LILRA5: variants seen among roughly 807,000 people sequenced by gnomAD.
LILRA5 encodes the protein leukocyte immunoglobulin-like receptor subfamily A member 5.
LILRA5 carries 31 observed loss-of-function variants against 36.3 expected under a neutral mutation model. The observed-to-expected ratio is 0.85, with a 90% CI of 0.64 to 1.15. The LOEUF is 1.15. Among genes scored for constraint, LILRA5 ranks in the 50% most tolerant of loss-of-function variants. The pLI is 0.00. For missense variants in LILRA5, 348 were observed against 377.4 expected (o/e 0.92, Z 0.64); for synonymous variants, 144 against 144.8 (o/e 0.99, Z 0.04).
intron 5 of LILRA5, chr19:54,308,369 AT>A (rs2080933903): frequency 9.8e-5 from 3 of 30,576 alleles, no homozygotes; most frequent in East Asian, 7.9e-4. Context: ...ATATATATAT[AT>A]ATATATATAT....
chr19:54,310,795 T>C (rs780293212), intron 5 of LILRA5: 1 of 262,960 alleles, frequency 3.8e-6, no homozygotes, highest in South Asian at 3.8e-5. Context: ...ATCAGAGTGA[T>C]ACTGGAGGGT....
At chr19:54,310,689 G>A (rs1468999250) in intron 5 of LILRA5, 2 of 321,810 alleles carry the variant, frequency 6.2e-6, no homozygotes, top group Non-Finnish European at 6.3e-6. Context: ...CAAGCTCAGG[G>A]GGAAGTCAGC....
At chr19:54,310,019 GTC>G in intron 5 of LILRA5, 1 of 315,794 alleles carries the variant, frequency 3.2e-6, no homozygotes, top group Non-Finnish European at 6.3e-6. Flanking sequence ...AAAGGAGCAG[GTC>G]TGGCGTGGAC....
chr19:54,310,958 CTT>C (rs55912820), intron 5 of LILRA5: 2,610 of 174,178 alleles, frequency 0.015, 3 homozygotes, highest in South Asian at 0.035. Context: ...TTTTCTTTTT[CTT>C]TTTTTTTTTT....
intron 5 of LILRA5, chr19:54,308,153 G>A (rs2147844353): frequency 5.6e-6 from 1 of 178,258 alleles, no homozygotes; most frequent in East Asian, 1.4e-4. Flanking sequence ...CTCCATGGAT[G>A]ACGGGTTGGT....
intron 6 of LILRA5, 34 bp downstream of exon 6, chr19:54,307,664 C>T: frequency 1.9e-6 from 3 of 1,613,116 alleles, no homozygotes; most frequent in Non-Finnish European, 2.5e-6. Flanking sequence ...ACCCTCTGTG[C>T]CAGTTCCATA....
chr19:54,312,819 G>C (rs993150935), intron 1 of LILRA5, 198 bp from the exon 2 acceptor site: 8 of 791,300 alleles, frequency 1.0e-5, no homozygotes, highest in African/African-American at 1.7e-5. Context: ...CAGAAGTGGG[G>C]TCTCCCTTCC....
At chr19:54,307,931 C>A (rs1721419282) in intron 5 of LILRA5, 183 bp from the exon 6 acceptor site, 2 of 601,858 alleles carry the variant, frequency 3.3e-6, no homozygotes, top group East Asian at 5.5e-5. Context: ...TGAATTATTT[C>A]AGCTTTCCTT....
Position 54,307,166 on chromosome 19 carries a change from C to G in LILRA5, c.*247G>C. 3.4e-6 allele frequency: 1 copy of G among 295,106 alleles called. No homozygotes were observed. 18.3% of individuals were successfully genotyped at this position (295,106 alleles called of 1,614,324 possible). A position where few individuals can be genotyped will look rare whatever the true frequency, so the allele number is the denominator to read the frequency against. On this transcript the variant is annotated 3_prime_UTR_variant, in exon 7 of 7. Coordinates refer to ENST00000432233, the MANE Select transcript of LILRA5 (RefSeq NM_021250.4). ...GGCTGAGGCAGGAGAATCACTTGAACCCGAGAGGCGGAGGTTGCAGTGAGC... is the reference window on the plus strand; with the variant it reads ...GGCTGAGGCAGGAGAATCACTTGAAGCCGAGAGGCGGAGGTTGCAGTGAGC...
At position 54,311,632 on chromosome 19, in the gene LILRA5, C is replaced by G. The variant is rs149754029; in HGVS notation, c.494G>C (p.Arg165Pro). ...GENVTLQCGS[R>P]LRFDRFILTE... ...CAGAATGAACCTGTCGAATCTCAGC[C>G]GTGAGCCACACTGGAGGGTCACGTT... Residue 165 changes from arginine (R) to proline (P), a missense_variant, in exon 5 of 7, where the codon CGG (arginine) becomes CCG (proline). Coordinates refer to ENST00000432233, the MANE Select transcript of LILRA5 (RefSeq NM_021250.4). 3.7e-6 allele frequency: 6 copies of G among 1,614,134 alleles called. No homozygotes were observed. The South Asian group carries it at 4.4e-5, about 12-fold the overall frequency.
rs141746229 is a variant in LILRA5 at position 54,313,000 on chromosome 19, C to G, written c.3+17G>C. On this transcript the variant is annotated intron_variant, in intron 1 of 6. Coordinates refer to ENST00000432233, the MANE Select transcript of LILRA5 (RefSeq NM_021250.4). ...TCCTTCAGCCCGTCCATGAGCTCAG[C>G]GTTGCGGGGTCCTTACCATGGTCAG... The G allele has an allele frequency of 6.2e-7, 1 of 1,613,966 alleles. No homozygotes were observed. Among genetic ancestry groups the G allele is most frequent in the African/African-American group, 1.3e-5 (1 of 74,914 alleles).
At chr19:54,310,760 A>G in intron 5 of LILRA5, 1 of 286,426 alleles carries the variant, frequency 3.5e-6, no homozygotes, top group Non-Finnish European at 7.2e-6. Flanking sequence ...TCCTCCTTGT[A>G]GAGAGCAAAC....
Position 54,307,292 on chromosome 19 carries a change from A to G in LILRA5, c.*121T>C. 2 of 861,978 alleles carry G rather than the reference A, an allele frequency of 2.3e-6. No homozygotes were observed. Among genetic ancestry groups the G allele is most frequent in the Non-Finnish European group, 1.6e-6 (1 of 610,928 alleles). The allele number at this position is 861,978 out of a possible 1,614,324, so 53.4% of individuals were successfully genotyped here. On this transcript the variant is annotated 3_prime_UTR_variant, in exon 7 of 7. Coordinates refer to ENST00000432233, the MANE Select transcript of LILRA5 (RefSeq NM_021250.4). ...GAAAGAAAAGAAAAGAAAGAAAAAA[A>G]GAAATTGCCAGCAGACAGTCCAGAT...
rs1043186462 is a variant in LILRA5, at chr19:54,312,349, G to C, written c.110C>G (p.Thr37Ser). Reference protein sequence around the residue: ...LCLGLSLGPRTHVQAGNLSKA... With the variant: ...LCLGLSLGPRSHVQAGNLSKA... ...GACAGACTCACCTGCCTGCACGTGG[G>C]TCCTGGGGCCCAGACTCAGCCCTGG... is the stretch of plus-strand genomic sequence containing the variant. The change falls in exon 3 of 7, where the codon ACC (threonine) becomes AGC (serine). Residue 37 changes from threonine (T) to serine (S), a missense_variant. By Grantham distance (58) the Thr-to-Ser change is moderately conservative. Coordinates refer to ENST00000432233, the MANE Select transcript of LILRA5 (RefSeq NM_021250.4). The C allele has an allele frequency of 1.8e-5, 29 of 1,614,100 alleles. No homozygotes were observed. Among genetic ancestry groups the C allele is most frequent in the Non-Finnish European group, 2.2e-5 (26 of 1,180,044 alleles).
At chr19:54,308,067 G>A in intron 5 of LILRA5, 1 of 335,750 alleles carries the variant, frequency 3.0e-6, no homozygotes, top group Non-Finnish European at 5.7e-6. Context: ...TCTCTGTGCA[G>A]CCTGGGACAC....
rs755606818 is a variant in LILRA5 at position 54,313,054 on chromosome 19, G to C, written c.-35C>G. 6.2e-7 allele frequency: 1 copy of C among 1,613,368 alleles called. No homozygotes were observed. Among genetic ancestry groups the C allele is most frequent in the Non-Finnish European group, 8.5e-7 (1 of 1,179,822 alleles). On this transcript the variant is annotated 5_prime_UTR_variant, in exon 1 of 7. Coordinates refer to ENST00000432233, the MANE Select transcript of LILRA5 (RefSeq NM_021250.4). ...TTTTTCAGCCCTGGAGATGCTTCAG[G>C]GAAGATGCAGGTCCATGCCACAGGC...
intron 5 of LILRA5, chr19:54,309,698 C>T (rs2080970847): frequency 6.6e-6 from 1 of 151,930 alleles, no homozygotes; most frequent in Non-Finnish European, 1.5e-5. Context: ...GAATTATGCC[C>T]CCAGGACAAT....
Position 54,312,839 on chromosome 19 carries a change from T to C in LILRA5, c.3+178A>G, listed in dbSNP as rs185366926. 1.4e-3 allele frequency: 1,174 copies of C among 848,136 alleles called. 13 individuals are homozygous for C. The highest frequency in any genetic ancestry group is 2.1e-4 in the Non-Finnish European group (111 of 533,770). 52.5% of individuals were successfully genotyped at this position (848,136 alleles called of 1,614,324 possible). ...GTGGGGTCTCCCTTCCCCGGGCCAC[T>C]GTCTGCCTGATTTATCTTTATCTCA... On this transcript the variant is annotated intron_variant, in intron 1 of 6. Coordinates refer to ENST00000432233, the MANE Select transcript of LILRA5 (RefSeq NM_021250.4).
chr19:54,311,272 CA>C (rs2081005292), intron 5 of LILRA5, 141 bp downstream of exon 5: 2 of 1,575,342 alleles, frequency 1.3e-6, no homozygotes, highest in African/African-American at 1.4e-5. Flanking sequence ...TTGTTTTCCT[CA>C]CCCTGAATTT....
Sources: gnomAD v4.1 joint callset for allele counts on GRCh38, gnomAD v4.1.1 for gene constraint, MANE v1.5 for transcripts, NCBI Gene and HGNC (gene_info 2026-07-23, HGNC 2026-07-21) for gene names.